Variants in DTNB observed in about 807,000 individuals in gnomAD.
DTNB encodes dystrobrevin beta.
DTNB carries 63 observed loss-of-function variants against 90.7 expected under a neutral mutation model. The observed-to-expected ratio is 0.69, with a 90% confidence interval of 0.57 to 0.86. DTNB has a LOEUF of 0.86. DTNB is among the 40% of genes least tolerant of loss of function. The probability of loss-of-function intolerance (pLI) is 0.00; values close to 1 mark genes in which losing one functional copy is unlikely to be tolerated. For synonymous variants in DTNB, 277 were observed against 286.7 expected, an observed-to-expected ratio of 0.97 and a Z score of 0.34; for missense variants, 744 against 807.1, an observed-to-expected ratio of 0.92 and a Z score of 0.95.
chr2:25,652,542 A>AAC (rs2148939624), intron 2 of DTNB, 52 bp downstream of exon 2: 1 of 1,549,962 alleles, frequency 6.5e-7, no homozygotes, highest in East Asian at 2.3e-5. Context: ...TAAAAAAAAA[A>AAC]AAAAAACCAC....
chr2:25,524,604 C>CA (rs1199201745), intron 9 of DTNB, among the ~76,000 whole-genome samples: 1 of 152,032 alleles, frequency 6.6e-6, no homozygotes, highest in African/African-American at 2.4e-5. Context: ...GAAGGCTATT[C>CA]AGGCTTGAAA....
intron 10 of DTNB, among the ~76,000 whole-genome samples, chr2:25,457,833 AATTATT>A (rs1355924012): frequency 6.6e-6 from 1 of 151,912 alleles, no homozygotes; most frequent in Admixed American, 6.6e-5. Flanking sequence ...GCATGATGTT[AATTATT>A]ATTATTATTT....
At chr2:25,522,701 CTT>C (rs201567111) in intron 9 of DTNB, among the ~76,000 whole-genome samples, 112 of 133,410 alleles carry the variant, frequency 8.4e-4, no homozygotes, top group East Asian at 1.6e-3. Flanking sequence ...AAACTGAGGT[CTT>C]TTTTTTTTTT....
intron 16 of DTNB, among the ~76,000 whole-genome samples, chr2:25,407,111 C>G (rs2045391345): frequency 6.6e-6 from 1 of 152,084 alleles, no homozygotes; most frequent in Non-Finnish European, 1.5e-5. Flanking sequence ...GCCACTTTAG[C>G]AAATGACATG....
At position 25,583,099 on chromosome 2, in the gene DTNB, G is replaced by A. The variant is rs780060771; in HGVS notation, c.604-2273C>T. On this transcript the variant is annotated intron_variant, in intron 6 of 20. Transcript: ENST00000406818. The stretch of plus-strand genomic sequence containing the variant: ...CCATCTCTACTAAAAATACAAAAAT[G>A]ATCTGGGTGTGGTGGCGGGTGCCTG... 8.9e-4 allele frequency among the ~76,000 whole-genome samples: 135 copies of A among 151,696 alleles called. 1 individual carries two copies. Among genetic ancestry groups the A allele is most frequent in the Middle Eastern group, 3.4e-3 (1 of 294 alleles).
At chr2:25,573,466 G>C (rs2151307747) in intron 8 of DTNB, among the ~76,000 whole-genome samples, 1 of 152,262 alleles carries the variant, frequency 6.6e-6, no homozygotes, top group Non-Finnish European at 1.5e-5. Flanking sequence ...AACTCTTAAG[G>C]CTTTCTCTCT....
chr2:25,558,494 T>G lies in DTNB; in HGVS notation c.876+18344A>C, dbSNP rs183291241. On this transcript the variant is annotated intron_variant, in intron 8 of 20. Transcript: ENST00000406818. ...ACAGGAAATTGCTCATTTGAAGAAC[T>G]GCTTGGTTTAAGCTAAGTCATACAC... 8.6e-5 allele frequency: 69 copies of G among 801,094 alleles called. No individual in the cohort carries two copies. In the African/African-American group the frequency reaches 1.1e-3, roughly 13 times the overall value. 49.6% of individuals were successfully genotyped at this position (801,094 alleles called of 1,614,324 possible).
chr2:25,381,672 A>C (rs563202935), intron 19 of DTNB, among the ~76,000 whole-genome samples: 1 of 152,308 alleles, frequency 6.6e-6, no homozygotes, highest in Non-Finnish European at 1.5e-5. Flanking sequence ...CACCATGCCC[A>C]GCCTAGTCTG....
intron 9 of DTNB, among the ~76,000 whole-genome samples, chr2:25,517,442 C>T (rs2075325397): frequency 6.7e-6 from 1 of 149,214 alleles, no homozygotes; most frequent in African/African-American, 2.5e-5. Context: ...AATTACACCT[C>T]AAAAAAAAAG....
intron 14 of DTNB, among the ~76,000 whole-genome samples, chr2:25,432,450 G>A (rs748437264): frequency 1.3e-5 from 2 of 152,142 alleles, no homozygotes; most frequent in South Asian, 2.1e-4. Flanking sequence ...TCAGAGATGC[G>A]CACAGGAAGC....
chr2:25,539,184 C>T (rs757303747), intron 8 of DTNB, among the ~76,000 whole-genome samples: 15 of 152,132 alleles, frequency 9.9e-5, no homozygotes, highest in Admixed American at 5.2e-4. Context: ...TCCATGTTTT[C>T]CATTCATTCA....
At position 25,409,686 on chromosome 2, in the gene DTNB, T is replaced by C. The variant is rs575003102; in HGVS notation, c.1575+9829A>G. ...CAAATTCATGGGCTTCCTTGTCTTATTGTCTCACTAACTTCCTCCTTCTTG... is the reference window on the plus strand; with the variant it reads ...CAAATTCATGGGCTTCCTTGTCTTACTGTCTCACTAACTTCCTCCTTCTTG... On this transcript the variant is annotated intron_variant, in intron 16 of 20. Transcript: ENST00000406818. Among the ~76,000 whole-genome samples, 14 of 152,326 alleles carry C rather than the reference T, an allele frequency of 9.2e-5. No individual in the cohort carries two copies. In the South Asian group the frequency reaches 2.3e-3, roughly 25 times the overall value.
chr2:25,626,475 A>G (rs2074181336), intron 4 of DTNB, among the ~76,000 whole-genome samples: 1 of 152,198 alleles, frequency 6.6e-6, no homozygotes. Context: ...TTTAAAATTC[A>G]GATTTCTGCC....
chr2:25,657,118 C>T (rs2082209810), intron 1 of DTNB, among the ~76,000 whole-genome samples: 1 of 152,020 alleles, frequency 6.6e-6, no homozygotes, highest in Admixed American at 6.6e-5. Flanking sequence ...AGAGGTTGCA[C>T]TGAGCCGAGA....
At chr2:25,616,615 T>A (rs1299952736) in intron 4 of DTNB, among the ~76,000 whole-genome samples, 1 of 121,410 alleles carries the variant, frequency 8.2e-6, no homozygotes, top group East Asian at 2.3e-4. Flanking sequence ...ATAATCTAGA[T>A]CAGGCTATTT....
chr2:25,569,793 T>A (rs1486085936), intron 8 of DTNB, among the ~76,000 whole-genome samples: 1 of 152,054 alleles, frequency 6.6e-6, no homozygotes, highest in East Asian at 1.9e-4. Context: ...AAAATTCCAA[T>A]AGGAACTACT....
At chr2:25,572,449 A>G (rs1452564380) in intron 8 of DTNB, among the ~76,000 whole-genome samples, 9 of 151,352 alleles carry the variant, frequency 5.9e-5, no homozygotes, top group Non-Finnish European at 5.9e-5. Context: ...CCTGGGCGAC[A>G]AAGCGAGACT....
chr2:25,428,546 G>C (rs2052684848), intron 14 of DTNB, among the ~76,000 whole-genome samples: 1 of 151,152 alleles, frequency 6.6e-6, no homozygotes, highest in South Asian at 2.1e-4. Flanking sequence ...TGATTCTCCT[G>C]CCTCAGCCTC....
chr2:25,564,877 C>A (rs949666794), intron 8 of DTNB, among the ~76,000 whole-genome samples: 6 of 152,146 alleles, frequency 3.9e-5, no homozygotes, highest in African/African-American at 4.8e-5. Flanking sequence ...TAGGTTGGTA[C>A]AAAAGTAATT....
Sources: gnomAD v4.1 joint callset for allele counts (sites outside exome capture counted in the v4.1 genomes callset) on GRCh38, gnomAD v4.1.1 for gene constraint, MANE v1.5 for transcripts, NCBI Gene and HGNC (gene_info 2026-07-23, HGNC 2026-07-21) for gene names.